LRTM2: variants seen among roughly 807,000 people sequenced by gnomAD.
LRTM2 encodes the protein leucine rich repeat transmembrane protein 2, also known as leucine-rich repeat and transmembrane domain-containing protein 2.
LRTM2 carries 18 observed loss-of-function variants against 28.1 expected under a neutral mutation model. The observed-to-expected ratio is 0.64, with a 90% CI of 0.44 to 0.95. The LOEUF is 0.95. Ranked by LOEUF, LRTM2 falls within the 40% of genes least tolerant of loss-of-function variation. LRTM2 has a pLI of 0.00. For synonymous variants in LRTM2, 250 were observed against 218.7 expected (o/e 1.14, Z -1.26); for missense variants, 436 against 497.2 (o/e 0.88, Z 1.17).
Position 1,828,835 on chromosome 12 carries a change from T to C in LRTM2, c.67+620T>C, listed in dbSNP as rs937883474. ...TACCAAAAAGGGGAGGAAGCGTGAA[T>C]GAAGGCAACACTTGGCAGCTGTCAG... On this transcript the variant is annotated intron_variant, in intron 3 of 4. Transcript: ENST00000299194. The surrounding 1 kb of genome is among the most constrained non-coding windows in gnomAD (Gnocchi z 4.2). Among the ~76,000 whole-genome samples the C allele has an allele frequency of 6.6e-6, 1 of 152,106 alleles. No individual in the cohort carries two copies. Among genetic ancestry groups the C allele is most frequent in the Admixed American group, 6.5e-5 (1 of 15,284 alleles).
chr12:1,828,103 C>T lies in LRTM2; in HGVS notation c.-46C>T. The T allele has an allele frequency of 1.4e-6, 2 of 1,476,510 alleles. No individual in the cohort carries two copies. Among genetic ancestry groups the T allele is most frequent in the Non-Finnish European group, 1.8e-6 (2 of 1,109,432 alleles). The allele number at this position is 1,476,510 out of a possible 1,614,324, so 91.5% of individuals were successfully genotyped here. ...CTGACAGGCGGCGCACCCAGGGGCT[C>T]CTCTCTCCCCAGAGCGACAGGGCCC... is the stretch of plus-strand genomic sequence containing the variant. On this transcript the variant is annotated 5_prime_UTR_variant, in exon 3 of 5. Transcript: ENST00000299194. The surrounding 1 kb of genome is among the most constrained non-coding windows in gnomAD (Gnocchi z 4.2).
In LRTM2 at chr12:1,831,011, C is replaced by T. The variant is rs1864600375; in HGVS notation, c.144C>T (p.Arg48=). ...TCPFSCKCDS[R]SLEVDCSGLG... ...CTTTCTCCTGCAAGTGTGACAGCCGCAGCCTGGAGGTGGACTGCAGTGGCC... is the reference window on the plus strand; with the variant it reads ...CTTTCTCCTGCAAGTGTGACAGCCGTAGCCTGGAGGTGGACTGCAGTGGCC... The change falls in exon 4 of 5, where the codon CGC becomes CGT. Residue 48 remains arginine (R), a synonymous_variant. Transcript: ENST00000299194. 6.2e-7 allele frequency: 1 copy of T among 1,614,152 alleles called. No individual in the cohort carries two copies.
chr12:1,821,501 G>C (rs1211726430), intron 1 of LRTM2, among the ~76,000 whole-genome samples: 1 of 152,222 alleles, frequency 6.6e-6, no homozygotes, highest in East Asian at 1.9e-4. Flanking sequence ...CTAGCCCAAG[G>C]GCAAGACAGG....
rs1864524974 is a variant in LRTM2, at chr12:1,829,580, G to A, written c.68-1355G>A. 6.6e-6 allele frequency among the ~76,000 whole-genome samples: 1 copy of A among 152,060 alleles called. No individual in the cohort carries two copies. Among genetic ancestry groups the A allele is most frequent in the South Asian group, 2.1e-4 (1 of 4,810 alleles). On this transcript the variant is annotated intron_variant, in intron 3 of 4. Coordinates refer to ENST00000299194, the MANE Select transcript of LRTM2 (RefSeq NM_001039029.3). This position sits in a 1 kb window ranked among gnomAD's most constrained non-coding sequence, Gnocchi z 4.2. ...CAGCTGTCATCGATCCTCCAGGCAGGGAAGGGGAGAGTCTCATCCTGTTCC... is the reference window on the plus strand; with the variant it reads ...CAGCTGTCATCGATCCTCCAGGCAGAGAAGGGGAGAGTCTCATCCTGTTCC...
At chr12:1,831,653 T>C (rs1220332755) in intron 4 of LRTM2, 128 bp downstream of exon 4, 9 of 753,440 alleles carry the variant, frequency 1.2e-5, no homozygotes, top group African/African-American at 3.5e-5. Context: ...CGACCCTGCC[T>C]CTGTGCCAGC....
chr12:1,824,601 A>G (rs1468446859), intron 1 of LRTM2, among the ~76,000 whole-genome samples: 1 of 152,184 alleles, frequency 6.6e-6, no homozygotes, highest in East Asian at 1.9e-4. Flanking sequence ...ACTTGCAGAC[A>G]GGAGATCTCG....
intron 3 of LRTM2, 118 bp from the exon 4 acceptor site, chr12:1,830,817 G>A (rs965878166): frequency 2.5e-6 from 2 of 807,510 alleles, no homozygotes; most frequent in Non-Finnish European, 3.8e-6. Context: ...ATTGATTGTG[G>A]CTTGTGCCAA....
intron 4 of LRTM2, 33 bp downstream of exon 4, chr12:1,831,558 G>A (rs1417865391): frequency 6.5e-7 from 1 of 1,548,394 alleles, no homozygotes; most frequent in Non-Finnish European, 8.9e-7. Flanking sequence ...GGGCCCGAGG[G>A]ATTGGGACGA....
intron 1 of LRTM2, among the ~76,000 whole-genome samples, chr12:1,824,466 A>T (rs749224811): frequency 3.3e-5 from 5 of 151,840 alleles, no homozygotes; most frequent in Non-Finnish European, 5.9e-5. Context: ...CCATTCTCCA[A>T]TCCTGGCTCT....
At chr12:1,826,096 G>A (rs1260874992) in intron 1 of LRTM2, among the ~76,000 whole-genome samples, 1 of 152,114 alleles carries the variant, frequency 6.6e-6, no homozygotes, top group Non-Finnish European at 1.5e-5. Flanking sequence ...GGGGAGGTTG[G>A]TGGGATCGGG....
In LRTM2 at chr12:1,834,964, G is replaced by A. The variant is rs1166897429; in HGVS notation, c.*243G>A. 1.5e-6 allele frequency: 1 copy of A among 678,756 alleles called. No individual in the cohort carries two copies. The highest frequency in any genetic ancestry group is 2.3e-6 in the Non-Finnish European group (1 of 425,902). The allele number at this position is 678,756 out of a possible 1,614,324, so 42.0% of individuals were successfully genotyped here. A position where few individuals can be genotyped will look rare whatever the true frequency, so the allele number is the denominator to read the frequency against. On this transcript the variant is annotated 3_prime_UTR_variant, in exon 5 of 5. Transcript: ENST00000299194. This position sits in a 1 kb window ranked among gnomAD's most constrained non-coding sequence, Gnocchi z 7.6. The stretch of plus-strand genomic sequence containing the variant: ...CCAGTAAATCTTTGGAACATGTGGG[G>A]GATCTCCCTAAGCTCTGGCCACAGC...
intron 1 of LRTM2, among the ~76,000 whole-genome samples, chr12:1,826,178 C>T (rs992290845): frequency 3.9e-5 from 6 of 152,094 alleles, no homozygotes; most frequent in African/African-American, 7.2e-5. Context: ...TGCTCCCTCA[C>T]GCCTGTACTG....
In LRTM2 at chr12:1,831,190, C is replaced by T; in HGVS notation, c.323C>T (p.Pro108Leu). Residue 108 changes from proline (P) to leucine (L), a missense_variant, in exon 4 of 5, where the codon CCC becomes CTC. Coordinates refer to ENST00000299194, the MANE Select transcript of LRTM2 (RefSeq NM_001039029.3). ...DLSNNFLDRL[P>L]RSIFGDLTNL... ...TCCAACAACTTCCTGGACCGGCTGCCCCGCTCCATTTTCGGGGACCTGACG... is the reference window on the plus strand; with the variant it reads ...TCCAACAACTTCCTGGACCGGCTGCTCCGCTCCATTTTCGGGGACCTGACG... The T allele has an allele frequency of 6.2e-7, 1 of 1,613,920 alleles. No individual in the cohort carries two copies. Among genetic ancestry groups the T allele is most frequent in the Non-Finnish European group, 8.5e-7 (1 of 1,180,024 alleles).
intron 1 of LRTM2, among the ~76,000 whole-genome samples, chr12:1,824,404 A>G (rs1864234951): frequency 6.6e-6 from 1 of 152,074 alleles, no homozygotes; most frequent in Admixed American, 6.5e-5. Flanking sequence ...TCAAAGCCCC[A>G]TGTTTCTGGC....
Position 1,827,561 on chromosome 12 carries a change from C to A in LRTM2, c.-107C>A, listed in dbSNP as rs557250607. The A allele has an allele frequency of 6.5e-6, 1 of 153,028 alleles. No homozygotes were observed. The highest frequency in any genetic ancestry group is 2.4e-5 in the African/African-American group (1 of 41,464). 9.5% of individuals were successfully genotyped at this position (153,028 alleles called of 1,614,324 possible). On this transcript the variant is annotated 5_prime_UTR_variant, in exon 2 of 5. It introduces an in-frame stop codon into an upstream open reading frame of the 5' UTR. Coordinates refer to ENST00000299194, the MANE Select transcript of LRTM2 (RefSeq NM_001039029.3). Reference sequence around the variant, plus strand: ...CTCACACCCTACGCGGCTGCAGCTGCCAAGGGCCTGGCCCCTGCCTCCCTC... The same window carrying A: ...CTCACACCCTACGCGGCTGCAGCTGACAAGGGCCTGGCCCCTGCCTCCCTC...
At chr12:1,822,183 G>A (rs1255244380) in intron 1 of LRTM2, 2 of 152,308 alleles carry the variant, frequency 1.3e-5, no homozygotes, top group African/African-American at 4.8e-5. Context: ...TGGTGTCTTT[G>A]GGGTTTGACA....
chr12:1,822,462 C>G (rs1348833397), intron 1 of LRTM2, among the ~76,000 whole-genome samples: 1 of 151,438 alleles, frequency 6.6e-6, no homozygotes, highest in Non-Finnish European at 1.5e-5. Flanking sequence ...CACCCTGAGC[C>G]CAGCCCCAGG....
chr12:1,830,979 A>T lies in LRTM2; in HGVS notation c.112A>T (p.Thr38Ser). The T allele has an allele frequency of 6.2e-7, 1 of 1,613,388 alleles. No homozygotes were observed. The highest frequency in any genetic ancestry group is 1.3e-5 in the African/African-American group (1 of 74,964). ...CCTGTATGCTGTGGAGGCCCTCCCCACCTGCCCTTTCTCCTGCAAGTGTGA... is the reference window on the plus strand; with the variant it reads ...CCTGTATGCTGTGGAGGCCCTCCCCTCCTGCCCTTTCTCCTGCAAGTGTGA... ...IALYAVEALP[T>S]CPFSCKCDSR... Residue 38 changes from threonine to serine, a missense_variant, in exon 4 of 5, where the codon ACC becomes TCC. Thr to Ser is a moderately conservative substitution (Grantham distance 58). Transcript: ENST00000299194.
rs553188804 is a variant in LRTM2, at chr12:1,835,002, T to A, written c.*281T>A. 6.2e-6 allele frequency: 3 copies of A among 486,768 alleles called. No individual in the cohort carries two copies. The South Asian group carries it at 1.0e-4, about 16-fold the overall frequency. 30.2% of individuals were successfully genotyped at this position (486,768 alleles called of 1,614,324 possible). ...CTCTGGCCACAGCAAAGCAAGGAGG[T>A]GTGTGCAAGAGGAGGCTTCCGGACT... On this transcript the variant is annotated 3_prime_UTR_variant, in exon 5 of 5. Coordinates refer to ENST00000299194, the MANE Select transcript of LRTM2 (RefSeq NM_001039029.3).
Sources: gnomAD v4.1 joint callset for allele counts (sites outside exome capture counted in the v4.1 genomes callset) on GRCh38, gnomAD v4.1.1 for gene constraint, Gnocchi (gnomAD v3.1) non-coding constraint, MANE v1.5 for transcripts, NCBI Gene and HGNC (gene_info 2026-07-23, HGNC 2026-07-21) for gene names.